SPACA9: variants seen among roughly 807,000 people sequenced by gnomAD.
SPACA9 encodes sperm acrosome-associated protein 9.
A neutral mutation model predicts 12.5 loss-of-function variants in SPACA9; 14 were observed. That is an observed-to-expected ratio of 1.12 (90% CI 0.74 to 1.75). The LOEUF is 1.75. Among genes scored for constraint, SPACA9 ranks in the 40% most tolerant of loss-of-function variants. The pLI is 0.00. For synonymous variants in SPACA9, 111 were observed against 114.1 expected (o/e 0.97, Z 0.17); for missense variants, 292 against 291.9 (o/e 1.00, Z 0.00).
chr9:132,888,633 G>A lies in SPACA9; in HGVS notation c.*22G>A, dbSNP rs183349232. 1.5e-4 allele frequency: 231 copies of A among 1,506,158 alleles called. 2 individuals carry two copies. In the African/African-American group the frequency reaches 2.5e-3, roughly 16 times the overall value. The allele number at this position is 1,506,158 out of a possible 1,614,324, so 93.3% of individuals were successfully genotyped here. On this transcript the variant is annotated 3_prime_UTR_variant, in exon 4 of 4. Transcript: ENST00000356311. This position sits in a 1 kb window ranked among gnomAD's most constrained non-coding sequence, Gnocchi z 5.0. ...GTAACTCAGAGCCAGGAGCTCCGTC[G>A]GCGGAGAGCTTTGCTGTTTAATTTG... is the stretch of plus-strand genomic sequence containing the variant.
intron 1 of SPACA9, among the ~76,000 whole-genome samples, chr9:132,879,512 T>G (rs1040969511): frequency 6.6e-6 from 1 of 152,136 alleles, no homozygotes; most frequent in Admixed American, 6.5e-5. Flanking sequence ...GCTAATGTAT[T>G]GGAGAGTAAT....
At chr9:132,885,406 G>A (rs1435831229) in intron 2 of SPACA9, among the ~76,000 whole-genome samples, 2 of 151,318 alleles carry the variant, frequency 1.3e-5, no homozygotes, top group Non-Finnish European at 2.9e-5. Context: ...CCAGTGACTC[G>A]GGAGGCTGAG....
chr9:132,889,361 C>T lies in SPACA9; in HGVS notation c.*750C>T. On this transcript the variant is annotated 3_prime_UTR_variant, in exon 4 of 4. Transcript: ENST00000356311. ...ACACGCTGTTTGCGAGCCAGGGATG[C>T]TCCCCTCCAGGATGGAGTGGGGGTC... The T allele has an allele frequency of 5.1e-6, 5 of 985,522 alleles. No homozygotes were observed. The highest frequency in any genetic ancestry group is 6.0e-6 in the Non-Finnish European group (5 of 829,982). 61.0% of individuals were successfully genotyped at this position (985,522 alleles called of 1,614,324 possible). A position where few individuals can be genotyped will look rare whatever the true frequency, so the allele number is the denominator to read the frequency against.
rs1844623522 is a variant in SPACA9 at position 132,888,172 on chromosome 9, G to A, written c.348-118G>A. ...GGGACAGAGCGCCTCAGCGTGCTGT[G>A]TGTCCAGTTCTAAAGCCTCCCCAGG... On this transcript the variant is annotated intron_variant, in intron 3 of 3. Coordinates refer to ENST00000356311, the MANE Select transcript of SPACA9 (RefSeq NM_001316897.2). This position sits in a 1 kb window ranked among gnomAD's most constrained non-coding sequence, Gnocchi z 5.0. 1.3e-6 allele frequency: 2 copies of A among 1,485,672 alleles called. No homozygotes were observed. Among genetic ancestry groups the A allele is most frequent in the Non-Finnish European group, 1.8e-6 (2 of 1,113,334 alleles). The allele number at this position is 1,485,672 out of a possible 1,614,324, so 92.0% of individuals were successfully genotyped here. A position where few individuals can be genotyped will look rare whatever the true frequency, so the allele number is the denominator to read the frequency against.
intron 2 of SPACA9, among the ~76,000 whole-genome samples, chr9:132,886,925 C>G (rs138313874): frequency 7.9e-5 from 12 of 152,180 alleles, no homozygotes; most frequent in Non-Finnish European, 1.5e-4. Context: ...GGTTTTCCTG[C>G]CTCAGCCTCC....
At chr9:132,883,799 G>A (rs1178216833) in intron 1 of SPACA9, 112 bp from the exon 2 acceptor site, 4 of 814,590 alleles carry the variant, frequency 4.9e-6, no homozygotes, top group East Asian at 2.5e-5. Flanking sequence ...CTCACAAGGC[G>A]CTCCAGTGAG....
intron 1 of SPACA9, among the ~76,000 whole-genome samples, chr9:132,881,272 GAAAAAAAA>G (rs776094730): frequency 1.2e-5 from 1 of 80,182 alleles, no homozygotes; most frequent in Non-Finnish European, 2.1e-5. Context: ...CAAAAAAAAA[GAAAAAAAA>G]AAAAGAAAAA....
rs369843790 is a variant in SPACA9 at position 132,884,069 on chromosome 9, G to A, written c.122G>A (p.Arg41Gln). 99 of 1,613,924 alleles carry A rather than the reference G, an allele frequency of 6.1e-5. No homozygotes were observed. The highest frequency in any genetic ancestry group is 7.9e-5 in the Non-Finnish European group (93 of 1,179,986). Residue 41 changes from arginine to glutamine, a missense_variant, in exon 2 of 4, where the codon CGG (arginine) becomes CAG (glutamine). By Grantham distance (43) the Arg-to-Gln change is conservative. Coordinates refer to ENST00000356311, the MANE Select transcript of SPACA9 (RefSeq NM_001316897.2). ...HCRENAHDKIRPISSIGQVQS... is the reference protein window; with the variant it reads ...HCRENAHDKIQPISSIGQVQS... Reference sequence around the variant, plus strand: ...AGGGAGAACGCCCACGACAAGATCCGGCCCATCTCCAGCATTGGACAGGTG... The same window carrying A: ...AGGGAGAACGCCCACGACAAGATCCAGCCCATCTCCAGCATTGGACAGGTG...
intron 1 of SPACA9, among the ~76,000 whole-genome samples, chr9:132,879,280 T>C (rs1197120173): frequency 6.6e-6 from 1 of 152,220 alleles, no homozygotes; most frequent in East Asian, 1.9e-4. Flanking sequence ...TCTGTTGCCG[T>C]TAATCGTAGG....
intron 1 of SPACA9, among the ~76,000 whole-genome samples, chr9:132,883,136 G>A (rs1844470863): frequency 6.6e-6 from 1 of 152,222 alleles, no homozygotes; most frequent in African/African-American, 2.4e-5. Flanking sequence ...AGCAGGGACA[G>A]TCTGTGAGGC....
chr9:132,883,456 C>T (rs1013137069), intron 1 of SPACA9, among the ~76,000 whole-genome samples: 1 of 152,210 alleles, frequency 6.6e-6, no homozygotes, highest in African/African-American at 2.4e-5. Context: ...GTGGCATATC[C>T]CTTGATCCCA....
At chr9:132,878,413 C>T (rs1360482674), upstream of SPACA9, 3 of 1,236,316 alleles carry the variant, frequency 2.4e-6, no homozygotes, top group Non-Finnish European at 3.0e-6. This position sits in a 1 kb window ranked among gnomAD's most constrained non-coding sequence, Gnocchi z 4.7. Context: ...CCGACCTCCC[C>T]GGCTGACGCG....
At position 132,889,469 on chromosome 9, in the gene SPACA9, C is replaced by G. The variant is rs756475612; in HGVS notation, c.*858C>G. 17 of 939,554 alleles carry G rather than the reference C, an allele frequency of 1.8e-5. No homozygotes were observed. The highest frequency in any genetic ancestry group is 2.0e-5 in the Non-Finnish European group (16 of 788,358). 58.2% of individuals were successfully genotyped at this position (939,554 alleles called of 1,614,324 possible). On this transcript the variant is annotated 3_prime_UTR_variant, in exon 4 of 4. Coordinates refer to ENST00000356311, the MANE Select transcript of SPACA9 (RefSeq NM_001316897.2). ...TCTCCCAGGCTGGAGTGCAGTGGCA[C>G]GATCTTGGCTCACTGCAACCTCCAC...
In SPACA9 at chr9:132,889,904, GGCTTCTGA is replaced by G; in HGVS notation, c.*1298_*1305del. 6.9e-7 allele frequency: 1 copy of G among 1,440,224 alleles called. No homozygotes were observed. Among genetic ancestry groups the G allele is most frequent in the East Asian group, 2.6e-5 (1 of 38,040 alleles). 89.2% of individuals were successfully genotyped at this position (1,440,224 alleles called of 1,614,324 possible). ...CCCAAACATTGTAAAATGTGTCCCT[GGCTTCTGA>G]GCTTGCCCAAAGTAATGTCTGACTG... On this transcript the variant is annotated 3_prime_UTR_variant, in exon 4 of 4. Coordinates refer to ENST00000356311, the MANE Select transcript of SPACA9 (RefSeq NM_001316897.2).
intron 1 of SPACA9, among the ~76,000 whole-genome samples, chr9:132,882,604 G>T (rs145307152): frequency 1.1e-3 from 165 of 151,930 alleles, no homozygotes; most frequent in African/African-American, 3.8e-3. Flanking sequence ...ACAGCAGAAA[G>T]AAATATTTCC....
At position 132,883,897 on chromosome 9, in the gene SPACA9, C is replaced by G. The variant is rs749253721; in HGVS notation, c.-37-14C>G. ...GGTCCCAGGACCTCATCACTATCCT[C>G]TGTCTCCCCATAGATTCCTCTTCTC... On this transcript the variant is annotated splice_polypyrimidine_tract_variant and intron_variant, in intron 1 of 3. Coordinates refer to ENST00000356311, the MANE Select transcript of SPACA9 (RefSeq NM_001316897.2). The G allele has an allele frequency of 6.3e-7, 1 of 1,599,676 alleles. No homozygotes were observed. The highest frequency in any genetic ancestry group is 2.2e-5 in the East Asian group (1 of 44,744).
rs951101952 is a variant in SPACA9 at position 132,887,816 on chromosome 9, T to A, written c.347+245T>A. On this transcript the variant is annotated intron_variant, in intron 3 of 3. Transcript: ENST00000356311. The surrounding 1 kb of genome is among the most constrained non-coding windows in gnomAD (Gnocchi z 5.4). ...AGCACCAGGCAGGTGGAGAAGGGGG[T>A]GTAGAGCCCAGAGCAGTTGCCCCCA... Among the ~76,000 whole-genome samples the A allele has an allele frequency of 6.6e-6, 1 of 151,084 alleles. No homozygotes were observed. The highest frequency in any genetic ancestry group is 2.4e-5 in the African/African-American group (1 of 41,034).
In SPACA9 at chr9:132,884,897, T is replaced by C. The variant is rs537100694; in HGVS notation, c.144+806T>C. On this transcript the variant is annotated intron_variant, in intron 2 of 3. Transcript: ENST00000356311. Reference sequence around the variant, plus strand: ...TTGGGAGGCCGAGGCAGGTGGATCATGAGGTCAGGAGTTTGAGACCAGCCT... The same window carrying C: ...TTGGGAGGCCGAGGCAGGTGGATCACGAGGTCAGGAGTTTGAGACCAGCCT... 8.3e-3 allele frequency among the ~76,000 whole-genome samples: 959 copies of C among 115,704 alleles called. 4 individuals are homozygous for C. Among genetic ancestry groups the C allele is most frequent in the Non-Finnish European group, 0.012 (624 of 51,446 alleles). 75.9% of individuals were successfully genotyped at this position (115,704 alleles called of 152,430 possible).
intron 2 of SPACA9, among the ~76,000 whole-genome samples, chr9:132,885,178 A>C (rs1014551320): frequency 1.3e-5 from 2 of 151,980 alleles, no homozygotes; most frequent in African/African-American, 4.8e-5. Flanking sequence ...TTTTTTTCTA[A>C]TTTTGGTAAA....
Sources: gnomAD v4.1 joint callset for allele counts (sites outside exome capture counted in the v4.1 genomes callset) on GRCh38, gnomAD v4.1.1 for gene constraint, Gnocchi (gnomAD v3.1) non-coding constraint, MANE v1.5 for transcripts, NCBI Gene and HGNC (gene_info 2026-07-23, HGNC 2026-07-21) for gene names.